Variants in SSH2 observed in about 807,000 individuals in gnomAD.
The protein encoded by SSH2 is protein phosphatase Slingshot homolog 2.
SSH2 carries 37 observed loss-of-function variants against 135.2 expected under a neutral mutation model. That is an observed-to-expected ratio of 0.27 (90% CI 0.21 to 0.36). The LOEUF is 0.36. SSH2 is among the 10% of genes least tolerant of loss of function. SSH2 has a pLI of 1.00. For synonymous variants in SSH2, 628 were observed against 646.2 expected (o/e 0.97, Z 0.43); for missense variants, 1,408 against 1,765.3 (o/e 0.80, Z 3.63).
chr17:29,685,879 G>A (rs1043888237), intron 5 of SSH2, among the ~76,000 whole-genome samples: 1 of 145,346 alleles, frequency 6.9e-6, no homozygotes, highest in African/African-American at 2.5e-5. Context: ...ACAGAGTTTC[G>A]CTCTTGTTGC....
In SSH2 at chr17:29,636,660, T is replaced by C; in HGVS notation, c.1570A>G (p.Met524Val). The C allele has an allele frequency of 1.2e-6, 2 of 1,614,182 alleles. No homozygotes were observed. Among genetic ancestry groups the C allele is most frequent in the South Asian group, 2.2e-5 (2 of 91,074 alleles). ...GGAGGTATGGGTGGGTGACTCTCCA[T>C]GGTCTTCACCTCAGCAATCTGGTCT... ...SADQIAEVKT[M>V]ESHPPIPPVF... The change falls in exon 15 of 16, where the codon ATG (methionine) becomes GTG (valine). Residue 524 changes from methionine to valine, a missense_variant. Coordinates refer to ENST00000540801, the MANE Select transcript of SSH2 (RefSeq NM_001282129.2).
intron 3 of SSH2, among the ~76,000 whole-genome samples, chr17:29,734,486 A>G (rs942992845): frequency 6.6e-6 from 1 of 152,200 alleles, no homozygotes; most frequent in African/African-American, 2.4e-5. Flanking sequence ...TAAACAGCAC[A>G]TTCACTTCAC....
At chr17:29,854,037 A>G (rs2065615925) in intron 1 of SSH2, among the ~76,000 whole-genome samples, 1 of 151,944 alleles carries the variant, frequency 6.6e-6, no homozygotes, top group Non-Finnish European at 1.5e-5. Context: ...AATAAATATT[A>G]CTGTAATAAT....
intron 3 of SSH2, among the ~76,000 whole-genome samples, chr17:29,739,902 A>T (rs2040499066): frequency 1.3e-5 from 2 of 152,224 alleles, no homozygotes. Flanking sequence ...TGCATCCTTT[A>T]AAAAAGTTTT....
At chr17:29,719,289 G>C (rs1397759993) in intron 3 of SSH2, among the ~76,000 whole-genome samples, 1 of 152,134 alleles carries the variant, frequency 6.6e-6, no homozygotes, top group Admixed American at 6.5e-5. Context: ...TGTTCTCTTT[G>C]GGAGTTGTGT....
intron 11 of SSH2, among the ~76,000 whole-genome samples, chr17:29,659,513 A>G (rs1258961197): frequency 6.6e-6 from 1 of 152,134 alleles, no homozygotes; most frequent in East Asian, 1.9e-4. Context: ...ATCTTCTGAA[A>G]AGGCAGACAT....
intron 3 of SSH2, among the ~76,000 whole-genome samples, chr17:29,725,233 G>A (rs898737716): frequency 2.0e-5 from 3 of 150,550 alleles, no homozygotes; most frequent in Admixed American, 2.0e-4. Flanking sequence ...TGTAGTCCCA[G>A]CTACTCAGGA....
At chr17:29,844,718 G>A (rs537310869) in intron 2 of SSH2, among the ~76,000 whole-genome samples, 1 of 152,328 alleles carries the variant, frequency 6.6e-6, no homozygotes, top group Admixed American at 6.5e-5. Flanking sequence ...ACAAACCTGT[G>A]CACAGTAGAG....
In SSH2 at chr17:29,684,663, A is replaced by C; in HGVS notation, c.379T>G (p.Tyr127Asp). The C allele has an allele frequency of 6.2e-7, 1 of 1,612,710 alleles. No homozygotes were observed. The highest frequency in any genetic ancestry group is 8.5e-7 in the Non-Finnish European group (1 of 1,179,214). ...ACCATATAGCGTGTTCGATTCTGGT[A>C]AGTACTTTCCAGTCTTACAGCCTGG... The part of the protein sequence containing the change: ...IRLAVRLEST[Y>D]QNRTRYMVVV... The change falls in exon 6 of 16, where the codon TAC becomes GAC. Residue 127 changes from tyrosine to aspartate, a missense_variant. This residue lies in a region of SSH2 where 222 missense variants were observed against 355.6 expected (regional missense o/e 0.62). Transcript: ENST00000540801.
chr17:29,779,801 ACT>A (rs1474030421), intron 3 of SSH2, among the ~76,000 whole-genome samples: 1 of 100,462 alleles, frequency 1.0e-5, no homozygotes, highest in Admixed American at 1.3e-4. Flanking sequence ...ACAGAGTGAG[ACT>A]CTGTCTCAAA....
chr17:29,705,353 CA>C, intron 3 of SSH2, among the ~76,000 whole-genome samples: 1 of 152,172 alleles, frequency 6.6e-6, no homozygotes, highest in Non-Finnish European at 1.5e-5. Context: ...AGTAAGCCCC[CA>C]TGTTCCCATC....
intron 11 of SSH2, among the ~76,000 whole-genome samples, chr17:29,660,685 CCT>C (rs983168508): frequency 1.3e-5 from 2 of 151,828 alleles, no homozygotes; most frequent in Non-Finnish European, 2.9e-5. Context: ...ATGGAAAACC[CCT>C]CTCTCTCTCA....
rs544201416 is a variant in SSH2 at position 29,928,307 on chromosome 17, A to G, written c.63+1631T>C. 1.3e-5 allele frequency: 5 copies of G among 381,940 alleles called. No individual in the cohort carries two copies. The East Asian group carries it at 1.9e-4, about 14-fold the overall frequency. 23.7% of individuals were successfully genotyped at this position (381,940 alleles called of 1,614,324 possible). On this transcript the variant is annotated intron_variant, in intron 1 of 15. Coordinates refer to ENST00000540801, the MANE Select transcript of SSH2 (RefSeq NM_001282129.2). ...TAAATTATATTAAAGATTTATTCCT[A>G]TGATACTTGTCTTCAGATGACCCTA...
At chr17:29,839,529 A>G (rs1228080718) in intron 2 of SSH2, among the ~76,000 whole-genome samples, 1 of 152,218 alleles carries the variant, frequency 6.6e-6, no homozygotes, top group East Asian at 1.9e-4. Context: ...CAGTCTTCAG[A>G]TGCCCCCAAA....
rs149222120 is a variant in SSH2, at chr17:29,853,128, C to T, written c.64-4199G>A. Among the ~76,000 whole-genome samples the T allele has an allele frequency of 9.1e-4, 133 of 145,380 alleles. 2 individuals carry two copies. The highest frequency in any genetic ancestry group is 3.6e-3 in the Middle Eastern group (1 of 280). On this transcript the variant is annotated intron_variant, in intron 1 of 15. Transcript: ENST00000540801. ...TTTCCAGAGTCTCACTCTCTGTTGC[C>T]CAGGCGGGAGTGCAGTGGCGCGATC...
chr17:29,713,132 G>A lies in SSH2; in HGVS notation c.189-10070C>T, dbSNP rs145903978. On this transcript the variant is annotated intron_variant, in intron 3 of 15. Transcript: ENST00000540801. ...GGGTGGATCACGACATCAGGAGTTC[G>A]AGACTATCCTGGCTAAAACAGCGAA... Among the ~76,000 whole-genome samples the A allele has an allele frequency of 1.9e-4, 29 of 152,200 alleles. No individual in the cohort carries two copies. In the East Asian group the frequency reaches 4.8e-3, roughly 25 times the overall value.
chr17:29,666,937 A>C lies in SSH2; in HGVS notation c.962T>G (p.Ile321Arg). Reference protein sequence around the residue: ...VCNLREFKEFIDNEMIVILGQ... With the variant: ...VCNLREFKEFRDNEMIVILGQ... The stretch of plus-strand genomic sequence containing the variant: ...AAGGATCACTATCATTTCATTGTCT[A>C]TAAATTCCTTGAATTCCCGCAAGTT... The change falls in exon 11 of 16, where the codon ATA (isoleucine) becomes AGA (arginine). Residue 321 changes from isoleucine (I) to arginine (R), a missense_variant. Ile to Arg is a moderately conservative substitution (Grantham distance 97). Around this residue, in one of 3 missense-constraint regions of SSH2, gnomAD observed 106 missense variants for 265.2 expected, o/e 0.40. Coordinates refer to ENST00000540801, the MANE Select transcript of SSH2 (RefSeq NM_001282129.2). 1 of 1,614,058 alleles carries C rather than the reference A, an allele frequency of 6.2e-7. No homozygotes were observed. The highest frequency in any genetic ancestry group is 8.5e-7 in the Non-Finnish European group (1 of 1,179,942).
chr17:29,769,246 G>A (rs2041515228), intron 3 of SSH2, among the ~76,000 whole-genome samples: 1 of 151,940 alleles, frequency 6.6e-6, no homozygotes, highest in South Asian at 2.1e-4. Context: ...ATTCTATATT[G>A]TCTCCATGAT....
At chr17:29,766,667 T>A (rs1281920003) in intron 3 of SSH2, among the ~76,000 whole-genome samples, 2 of 152,128 alleles carry the variant, frequency 1.3e-5, no homozygotes, top group African/African-American at 4.8e-5. Context: ...CTTACATAAT[T>A]TTAGTTTTAA....
Sources: allele counts gnomAD v4.1 joint callset (sites outside exome capture counted in the v4.1 genomes callset), GRCh38; gene constraint gnomAD v4.1.1; regional missense constraint gnomAD v4.1.1; transcripts MANE v1.5; gene names NCBI Gene and HGNC (gene_info 2026-07-23, HGNC 2026-07-21).